Variants in SLC4A10 observed in about 807,000 individuals in gnomAD.
SLC4A10 encodes sodium-driven chloride bicarbonate exchanger.
In SLC4A10, 42 loss-of-function variants were observed where a neutral mutation model predicts 137.7. The observed-to-expected ratio is 0.30, with a 90% CI of 0.24 to 0.39. The LOEUF is 0.39. Ranked by LOEUF, SLC4A10 falls within the 10% of genes least tolerant of loss-of-function variation. SLC4A10 has a pLI of 1.00. For synonymous variants in SLC4A10, 474 were observed against 464.1 expected, an observed-to-expected ratio of 1.02 and a Z score of -0.27; for missense variants, 925 against 1,355.0, an observed-to-expected ratio of 0.68 and a Z score of 4.98.
chr2:161,959,592 A>G (rs1696271874), intron 21 of SLC4A10, among the ~76,000 whole-genome samples: 1 of 152,178 alleles, frequency 6.6e-6, no homozygotes, highest in African/African-American at 2.4e-5. Flanking sequence ...TGACTCCTTC[A>G]GAGTGAGCAA....
intron 15 of SLC4A10, among the ~76,000 whole-genome samples, chr2:161,926,488 C>G (rs1181948472): frequency 2.7e-5 from 4 of 149,126 alleles, no homozygotes; most frequent in Non-Finnish European, 6.0e-5. Context: ...ATACAGCACA[C>G]TGATGGGTCT....
chr2:161,957,204 T>G lies in SLC4A10; in HGVS notation c.2757T>G (p.Leu919=). 1 of 1,613,708 alleles carries G rather than the reference T, an allele frequency of 6.2e-7. No individual in the cohort carries two copies. The highest frequency in any genetic ancestry group is 8.5e-7 in the Non-Finnish European group (1 of 1,179,788). The change falls in exon 20 of 27, where the codon CTT becomes CTG. Residue 919 remains leucine, a synonymous_variant. Coordinates refer to ENST00000446997, the MANE Select transcript of SLC4A10 (RefSeq NM_001178015.2). ...TTACTGGGCTTATGATTTTTATTCT[T>G]ATGGGTTCATCAGTCTTTATGACCA... The part of the protein sequence containing the change: ...QRVTGLMIFI[L]MGSSVFMTSI...
chr2:161,716,405 G>A (rs563325124), intron 1 of SLC4A10, among the ~76,000 whole-genome samples: 44 of 152,010 alleles, frequency 2.9e-4, no homozygotes, highest in South Asian at 6.2e-4. Context: ...ATCTTTGCCC[G>A]TGCCTATGTC....
At position 161,836,528 on chromosome 2, in the gene SLC4A10, GAGAGAAAGAAAGAAAGAA is replaced by G. The variant is rs1374663232; in HGVS notation, c.278-3257_278-3240del. ...AAAAAGAAAGAAAGAAAGAGAGAGA[GAGAGAAAGAAAGAAAGAA>G]AGAAAGAAAGAAAGAAAGAAAGAAA... On this transcript the variant is annotated intron_variant, in intron 3 of 26. Coordinates refer to ENST00000446997, the MANE Select transcript of SLC4A10 (RefSeq NM_001178015.2). Among the ~76,000 whole-genome samples the G allele has an allele frequency of 3.3e-3, 274 of 83,720 alleles. 4 individuals carry two copies. The highest frequency in any genetic ancestry group is 0.015 in the African/African-American group (258 of 16,970). 54.9% of individuals were successfully genotyped at this position (83,720 alleles called of 152,430 possible).
chr2:161,631,958 T>A (rs144733267), intron 1 of SLC4A10, among the ~76,000 whole-genome samples: 20 of 151,908 alleles, frequency 1.3e-4, no homozygotes, highest in Non-Finnish European at 2.7e-4. Flanking sequence ...GACTTGCTCA[T>A]TCATCATGAA....
At chr2:161,955,421 A>G (rs1695481665) in intron 19 of SLC4A10, among the ~76,000 whole-genome samples, 1 of 152,174 alleles carries the variant, frequency 6.6e-6, no homozygotes, top group Non-Finnish European at 1.5e-5. Context: ...GTTACTTGCA[A>G]AGAAAAGTTT....
rs2057497470 is a variant in SLC4A10 at position 161,820,208 on chromosome 2, A to G, written c.277+15613A>G. Among the ~76,000 whole-genome samples the G allele has an allele frequency of 2.0e-5, 3 of 152,230 alleles. 1 individual carries two copies. In the South Asian group the frequency reaches 6.2e-4, roughly 31 times the overall value. On this transcript the variant is annotated intron_variant, in intron 3 of 26. Transcript: ENST00000446997. The stretch of plus-strand genomic sequence containing the variant: ...TTTAGGAGAAATGAAGCAAATATAG[A>G]AAACATGACCTCAAAGAGCAATTTT...
Position 161,938,284 on chromosome 2 carries a change from T to G in SLC4A10, c.1998-4508T>G, listed in dbSNP as rs891325868. 3.9e-5 allele frequency among the ~76,000 whole-genome samples: 6 copies of G among 151,950 alleles called. No homozygotes were observed. The South Asian group carries it at 1.2e-3, about 32-fold the overall frequency. The stretch of plus-strand genomic sequence containing the variant: ...AAACCCTGTCTCCAAATAAATAAAT[T>G]AATTAATGAATTAATTAAATAAAGA... On this transcript the variant is annotated intron_variant, in intron 15 of 26. Transcript: ENST00000446997.
intron 2 of SLC4A10, among the ~76,000 whole-genome samples, chr2:161,776,350 A>G (rs551003801): frequency 2.6e-5 from 4 of 152,054 alleles, no homozygotes; most frequent in African/African-American, 7.2e-5. Flanking sequence ...CTATACAAAC[A>G]ATAACTCCCC....
In SLC4A10 at chr2:161,872,316, T is replaced by C; in HGVS notation, c.790T>C (p.Ser264Pro). The C allele has an allele frequency of 6.2e-7, 1 of 1,613,582 alleles. No individual in the cohort carries two copies. Residue 264 changes from serine to proline, a missense_variant, in exon 7 of 27, where the codon TCT becomes CCT. Transcript: ENST00000446997. ...AGCAGGTCAGGTTGTTTCTCCTCAG[T>C]CTGCTCCAGCCTGTGTTGAAAATAA... ...KNAGQVVSPQ[S>P]APACVENKND...
chr2:161,903,915 C>A, intron 12 of SLC4A10, 89 bp from the exon 13 acceptor site: 1 of 1,324,720 alleles, frequency 7.5e-7, no homozygotes, highest in Non-Finnish European at 1.0e-6. Context: ...AAAACGTATA[C>A]TGTGACCTGG....
At chr2:161,784,113 T>C (rs980554460) in intron 2 of SLC4A10, among the ~76,000 whole-genome samples, 3 of 151,734 alleles carry the variant, frequency 2.0e-5, no homozygotes, top group African/African-American at 7.3e-5. Flanking sequence ...AAATAGACTA[T>C]AAGTCAAAAC....
intron 10 of SLC4A10, among the ~76,000 whole-genome samples, chr2:161,891,050 A>G (rs1428684381): frequency 1.3e-5 from 2 of 152,098 alleles, no homozygotes; most frequent in South Asian, 2.1e-4. Context: ...TCCTTTGCTT[A>G]TGAAGCTTAG....
intron 1 of SLC4A10, among the ~76,000 whole-genome samples, chr2:161,767,986 A>G (rs1453001560): frequency 6.6e-6 from 1 of 152,054 alleles, no homozygotes; most frequent in Non-Finnish European, 1.5e-5. Context: ...TCCTTAGATC[A>G]GAGTCATATT....
At chr2:161,774,573 G>GCCTATAGGAGCTGCCTCCCC (rs1234071688) in intron 2 of SLC4A10, among the ~76,000 whole-genome samples, 46 of 151,682 alleles carry the variant, frequency 3.0e-4, no homozygotes, top group Non-Finnish European at 6.3e-4. Flanking sequence ...GCTGCCTCTT[G>GCCTATAGGAGCTGCCTCCCC]CCTATAGGAG....
In SLC4A10 at chr2:161,951,750, T is replaced by A. The variant is rs528609836; in HGVS notation, c.2541+902T>A. Reference sequence around the variant, plus strand: ...TTAGAAAGATGAAAAATATCTCTGATTAAACTCTGATGCAATATATTGGGT... The same window carrying A: ...TTAGAAAGATGAAAAATATCTCTGAATAAACTCTGATGCAATATATTGGGT... On this transcript the variant is annotated intron_variant, in intron 19 of 26. Transcript: ENST00000446997. Among the ~76,000 whole-genome samples the A allele has an allele frequency of 4.6e-5, 7 of 152,276 alleles. No homozygotes were observed. The South Asian group carries it at 1.5e-3, about 32-fold the overall frequency.
At chr2:161,890,481 G>A (rs1359503708) in intron 10 of SLC4A10, among the ~76,000 whole-genome samples, 1 of 152,038 alleles carries the variant, frequency 6.6e-6, no homozygotes, top group Non-Finnish European at 1.5e-5. Context: ...TCCTGTATTG[G>A]GTGCATATAT....
chr2:161,671,702 CAAAACATCGTCTG>C (rs947770284), intron 1 of SLC4A10, among the ~76,000 whole-genome samples: 67 of 152,182 alleles, frequency 4.4e-4, no homozygotes, highest in African/African-American at 1.5e-3. Context: ...AGAAAACAGA[CAAAACATCGTCTG>C]AAAATAATCC....
intron 4 of SLC4A10, among the ~76,000 whole-genome samples, chr2:161,851,373 G>A (rs1208314728): frequency 6.6e-6 from 1 of 152,098 alleles, no homozygotes; most frequent in South Asian, 2.1e-4. Flanking sequence ...CTAAGAACTT[G>A]TTTTATGAAT....
Sources: allele counts gnomAD v4.1 joint callset (sites outside exome capture counted in the v4.1 genomes callset), GRCh38; gene constraint gnomAD v4.1.1; transcripts MANE v1.5; gene names NCBI Gene and HGNC (gene_info 2026-07-23, HGNC 2026-07-21).